ZMAT4: variants seen among roughly 807,000 people sequenced by gnomAD.
ZMAT4 encodes the protein zinc finger matrin-type protein 4.
ZMAT4 carries 17 observed loss-of-function variants against 28.7 expected under a neutral mutation model. The ratio of observed to expected loss-of-function variants is 0.59; its 90% CI spans 0.41 to 0.89. The LOEUF (loss-of-function observed/expected upper bound fraction) is 0.89. Ranked by LOEUF, ZMAT4 falls within the 40% of genes least tolerant of loss-of-function variation. The pLI is 0.00. For missense variants in ZMAT4, 240 were observed against 283.8 expected, an observed-to-expected ratio of 0.85 and a Z score of 1.11; for synonymous variants, 117 against 109.2, an observed-to-expected ratio of 1.07 and a Z score of -0.44.
At chr8:40,671,851 T>TA (rs1218780073) in intron 5 of ZMAT4, among the ~76,000 whole-genome samples, 1 of 152,196 alleles carries the variant, frequency 6.6e-6, no homozygotes, top group East Asian at 1.9e-4. Flanking sequence ...TAGTTTCTTA[T>TA]AAAAAATATT....
At chr8:40,574,927 G>C (rs1464764649) in intron 6 of ZMAT4, among the ~76,000 whole-genome samples, 1 of 152,178 alleles carries the variant, frequency 6.6e-6, no homozygotes, top group Non-Finnish European at 1.5e-5. Flanking sequence ...ATTGTTTACT[G>C]ATCATAACCC....
chr8:40,827,462 G>T (rs1417577631), intron 1 of ZMAT4, among the ~76,000 whole-genome samples: 2 of 152,144 alleles, frequency 1.3e-5, no homozygotes, highest in Non-Finnish European at 2.9e-5. Flanking sequence ...TTTTTGAAAT[G>T]ATCTAAATAA....
chr8:40,574,696 C>T (rs963057915), intron 6 of ZMAT4, among the ~76,000 whole-genome samples: 12 of 152,210 alleles, frequency 7.9e-5, no homozygotes, highest in South Asian at 6.2e-4. Context: ...GCACCCACCT[C>T]TGCTACCCTG....
chr8:40,674,691 G>A lies in ZMAT4; in HGVS notation c.577+13C>T, dbSNP rs764262769. ...CCCAGTTTTGTGGCAGAAGTGAGAA[G>A]AGCTGCCCTTACCTCTCAGTTCCCC... On this transcript the variant is annotated intron_variant, in intron 5 of 6. Coordinates refer to ENST00000297737, the MANE Select transcript of ZMAT4 (RefSeq NM_024645.3). The A allele has an allele frequency of 6.2e-7, 1 of 1,609,844 alleles. No individual in the cohort carries two copies. The highest frequency in any genetic ancestry group is 8.5e-7 in the Non-Finnish European group (1 of 1,176,246).
chr8:40,605,405 T>A (rs1273900828), intron 5 of ZMAT4, among the ~76,000 whole-genome samples: 1 of 152,180 alleles, frequency 6.6e-6, no homozygotes, highest in East Asian at 1.9e-4. Flanking sequence ...GTTTAAAAAA[T>A]TATTTAATTT....
chr8:40,540,424 A>G (rs1210966389), intron 6 of ZMAT4, among the ~76,000 whole-genome samples: 1 of 152,192 alleles, frequency 6.6e-6, no homozygotes, highest in Non-Finnish European at 1.5e-5. Flanking sequence ...TCTTTAGCTG[A>G]ACTAAAGAAA....
chr8:40,641,016 C>G (rs758530847), intron 5 of ZMAT4, among the ~76,000 whole-genome samples: 3 of 150,444 alleles, frequency 2.0e-5, no homozygotes, highest in Non-Finnish European at 3.0e-5. Context: ...GCAGCAGCAA[C>G]TACAATAGAA....
intron 6 of ZMAT4, among the ~76,000 whole-genome samples, chr8:40,579,578 A>G (rs768613130): frequency 6.6e-6 from 1 of 152,140 alleles, no homozygotes; most frequent in Non-Finnish European, 1.5e-5. Context: ...TGAGAAGAAA[A>G]CTGAGAGTCA....
At chr8:40,824,436 C>T (rs1336899586) in intron 2 of ZMAT4, among the ~76,000 whole-genome samples, 2 of 151,970 alleles carry the variant, frequency 1.3e-5, no homozygotes, top group Non-Finnish European at 2.9e-5. Flanking sequence ...CTGAGTGAGA[C>T]CCTGTCTCAA....
At chr8:40,816,550 A>G (rs1381865465) in intron 2 of ZMAT4, among the ~76,000 whole-genome samples, 1 of 152,078 alleles carries the variant, frequency 6.6e-6, no homozygotes, top group Admixed American at 6.6e-5. Flanking sequence ...GATGGTTAGG[A>G]TATTGTAGAT....
chr8:40,888,681 TA>T (rs1425527111), intron 1 of ZMAT4: 1 of 152,244 alleles, frequency 6.6e-6, no homozygotes, highest in African/African-American at 2.4e-5. Context: ...GCCCAGAGTT[TA>T]TGCAACAAAG....
At chr8:40,596,604 G>T (rs1271753309) in intron 5 of ZMAT4, among the ~76,000 whole-genome samples, 1 of 152,180 alleles carries the variant, frequency 6.6e-6, no homozygotes, top group African/African-American at 2.4e-5. Context: ...GAATTTTTCA[G>T]CTCCATTATA....
At chr8:40,727,276 T>C (rs949617569) in intron 3 of ZMAT4, among the ~76,000 whole-genome samples, 1 of 152,144 alleles carries the variant, frequency 6.6e-6, no homozygotes, top group Non-Finnish European at 1.5e-5. Context: ...GATACAACAG[T>C]GTCCACAAGC....
chr8:40,767,860 A>T (rs1307639656), intron 2 of ZMAT4, 130 bp from the exon 3 acceptor site: 4 of 678,610 alleles, frequency 5.9e-6, no homozygotes, highest in Non-Finnish European at 7.2e-6. Context: ...TACTCCTGTG[A>T]GGGATGTAGG....
intron 5 of ZMAT4, among the ~76,000 whole-genome samples, chr8:40,670,205 A>G (rs1808608160): frequency 6.6e-6 from 1 of 152,234 alleles, no homozygotes; most frequent in Non-Finnish European, 1.5e-5. Context: ...AAAGAGATCC[A>G]TGGAACAGAA....
intron 5 of ZMAT4, among the ~76,000 whole-genome samples, chr8:40,586,557 AG>A (rs1240140342): frequency 6.6e-6 from 1 of 152,176 alleles, no homozygotes; most frequent in Non-Finnish European, 1.5e-5. Context: ...GATCTGGAAA[AG>A]CTCCTTGAAG....
chr8:40,637,289 T>G (rs1585794262), intron 5 of ZMAT4, among the ~76,000 whole-genome samples: 1 of 152,160 alleles, frequency 6.6e-6, no homozygotes, highest in Non-Finnish European at 1.5e-5. Context: ...TGGAAGCAAT[T>G]TTAGAAACAC....
intron 6 of ZMAT4, among the ~76,000 whole-genome samples, chr8:40,562,017 G>A (rs1803760298): frequency 6.6e-6 from 1 of 152,116 alleles, no homozygotes; most frequent in Non-Finnish European, 1.5e-5. Flanking sequence ...TCAGTCAGGT[G>A]CAATGCCTAG....
intron 6 of ZMAT4, among the ~76,000 whole-genome samples, chr8:40,543,223 A>G (rs947172481): frequency 3.9e-5 from 6 of 152,164 alleles, no homozygotes; most frequent in African/African-American, 1.4e-4. Context: ...GACAGGGCCA[A>G]ACTGTAACTT....
Sources: gnomAD v4.1 joint callset for allele counts (sites outside exome capture counted in the v4.1 genomes callset) on GRCh38, gnomAD v4.1.1 for gene constraint, MANE v1.5 for transcripts, NCBI Gene and HGNC (gene_info 2026-07-23, HGNC 2026-07-21) for gene names.